Variants in TENM1 observed in about 807,000 individuals in gnomAD.
TENM1 encodes the protein teneurin transmembrane protein 1.
In TENM1, 35 loss-of-function variants were observed where a neutral mutation model predicts 174.8. The ratio of observed to expected loss-of-function variants is 0.20; its 90% CI spans 0.15 to 0.27. The LOEUF (loss-of-function observed/expected upper bound fraction) is 0.27, where lower values mean the gene tolerates loss of function less well. TENM1 is among the 10% of genes least tolerant of loss of function. The pLI, the probability that TENM1 is intolerant of heterozygous loss-of-function variation, is 1.00. For missense variants in TENM1, 1,633 were observed against 2,130.1 expected (o/e 0.77, Z 4.59); for synonymous variants, 781 against 798.7 (o/e 0.98, Z 0.37).
At chrX:125,178,342 T>C in the TENM1 span, among the ~76,000 whole-genome samples, 1 of 111,579 alleles carries the variant, frequency 9.0e-6, no homozygotes, top group Non-Finnish European at 1.9e-5. Context: ...ACTGCCCCCT[T>C]GCAACAAAAT....
chrX:124,916,310 A>T (rs752804807), intron 1 of TENM1, among the ~76,000 whole-genome samples: 57 of 109,752 alleles, frequency 5.2e-4, no homozygotes, highest in African/African-American at 1.9e-3. Context: ...CTCATACTGA[A>T]TTTTTTTTTC....
At chrX:124,931,862 CA>C (rs1462946675) in intron 1 of TENM1, among the ~76,000 whole-genome samples, 1 of 100,797 alleles carries the variant, frequency 9.9e-6, no homozygotes, top group African/African-American at 3.5e-5. Flanking sequence ...GGGAGGACGC[CA>C]AGCGCACGCA....
intron 5 of TENM1, among the ~76,000 whole-genome samples, chrX:124,687,815 A>C (rs2052405636): frequency 8.9e-6 from 1 of 112,489 alleles, no homozygotes; most frequent in Admixed American, 9.4e-5. Flanking sequence ...ACAGAAAGAC[A>C]AATACTACAT....
the TENM1 span, among the ~76,000 whole-genome samples, chrX:125,101,188 C>G: frequency 8.9e-6 from 1 of 111,825 alleles, no homozygotes; most frequent in Non-Finnish European, 1.9e-5. Context: ...ACAAATTAAC[C>G]AGATATTTTT....
chrX:124,906,041 A>G (rs781397481), intron 1 of TENM1, among the ~76,000 whole-genome samples: 1 of 111,869 alleles, frequency 8.9e-6, no homozygotes, highest in East Asian at 2.8e-4. Flanking sequence ...ATTCTGATAA[A>G]CCCATTGTAA....
intron 4 of TENM1, among the ~76,000 whole-genome samples, chrX:124,717,226 A>T (rs1025481401): frequency 2.7e-5 from 3 of 111,563 alleles, no homozygotes; most frequent in African/African-American, 9.8e-5. Flanking sequence ...GCAGTCAGAA[A>T]ATCCAAAGAA....
chrX:124,819,010 G>T (rs761892925), intron 3 of TENM1, among the ~76,000 whole-genome samples: 7 of 111,776 alleles, frequency 6.3e-5, no homozygotes, highest in Non-Finnish European at 1.3e-4. Context: ...TATTGCAAGG[G>T]TATGCACCCC....
the TENM1 span, among the ~76,000 whole-genome samples, chrX:125,032,637 A>G: frequency 9.0e-6 from 1 of 111,467 alleles, no homozygotes; most frequent in Non-Finnish European, 1.9e-5. Context: ...TCCCCCAGAC[A>G]GTTTTCCAAA....
At chrX:124,784,196 C>A (rs945256501) in intron 3 of TENM1, among the ~76,000 whole-genome samples, 1 of 111,778 alleles carries the variant, frequency 8.9e-6, no homozygotes, top group African/African-American at 3.2e-5. Flanking sequence ...AAATGTGACT[C>A]ATTCTCAAGA....
chrX:124,591,233 A>G (rs1048243938), intron 11 of TENM1, among the ~76,000 whole-genome samples: 2 of 111,355 alleles, frequency 1.8e-5, no homozygotes, highest in Non-Finnish European at 3.8e-5. Flanking sequence ...ATTTATATTC[A>G]AGGTAAATAT....
At chrX:125,027,611 C>CTTTTTTTT in the TENM1 span, among the ~76,000 whole-genome samples, 49 of 83,079 alleles carry the variant, frequency 5.9e-4, no homozygotes, top group Non-Finnish European at 7.6e-4. Flanking sequence ...TTTTCTTTTT[C>CTTTTTTTT]TTTTTTTTTT....
chrX:124,449,568 G>A (rs1241199520), intron 23 of TENM1, among the ~76,000 whole-genome samples: 5 of 111,913 alleles, frequency 4.5e-5, no homozygotes. Flanking sequence ...TATCCCACAA[G>A]TGAATCATAC....
the TENM1 span, among the ~76,000 whole-genome samples, chrX:124,978,793 A>G: frequency 1.8e-5 from 2 of 111,616 alleles, no homozygotes; most frequent in African/African-American, 3.3e-5. Flanking sequence ...CCATCTTCAT[A>G]TTTGCCCTGC....
exon 32 of TENM1, chrX:124,381,278 T>C: frequency 8.3e-7 from 1 of 1,198,910 alleles, no homozygotes; most frequent in Non-Finnish European, 1.1e-6. Context: ...GAGTTCACAC[T>C]GAATGCCCAG....
chrX:124,408,937 G>T (rs1418809873), intron 25 of TENM1, among the ~76,000 whole-genome samples: 1 of 104,816 alleles, frequency 9.5e-6, no homozygotes, highest in Non-Finnish European at 1.9e-5. Flanking sequence ...TTTTGTCCTT[G>T]TGATAGTTTG....
the TENM1 span, among the ~76,000 whole-genome samples, chrX:125,007,140 A>C: frequency 1.8e-5 from 2 of 111,632 alleles, no homozygotes; most frequent in African/African-American, 6.5e-5. Context: ...ATAAAAAGTT[A>C]CAGAGCTGCT....
chrX:124,672,883 T>G (rs756306108), intron 5 of TENM1, among the ~76,000 whole-genome samples: 1 of 112,042 alleles, frequency 8.9e-6, no homozygotes, highest in Non-Finnish European at 1.9e-5. Flanking sequence ...CACATGTTCA[T>G]GTCTGGAGAA....
chrX:124,955,797 G>GCGCACACACACA (rs1556430460), intron 1 of TENM1, among the ~76,000 whole-genome samples: 1 of 91,251 alleles, frequency 1.1e-5, no homozygotes, highest in Non-Finnish European at 2.1e-5. Context: ...ACACGCGCAC[G>GCGCACACACACA]CACACACACA....
intron 14 of TENM1, among the ~76,000 whole-genome samples, chrX:124,556,314 T>G (rs1030807016): frequency 9.9e-6 from 1 of 101,106 alleles, no homozygotes; most frequent in Non-Finnish European, 2.0e-5. Context: ...GGGGCGGGGG[T>G]GGCATGCACC....
Sources: gnomAD v4.1 joint callset for allele counts (sites outside exome capture counted in the v4.1 genomes callset) on GRCh38, gnomAD v4.1.1 for gene constraint, MANE v1.5 for transcripts, NCBI Gene and HGNC (gene_info 2026-07-23, HGNC 2026-07-21) for gene names.